RNGTT: variants seen among roughly 807,000 people sequenced by gnomAD.
RNGTT encodes mRNA-capping enzyme.
In RNGTT, 33 loss-of-function variants were observed where a neutral mutation model predicts 79.3. The ratio of observed to expected loss-of-function variants is 0.42; its 90% CI spans 0.32 to 0.56. The LOEUF is 0.56. Ranked by LOEUF, RNGTT falls within the 20% of genes least tolerant of loss-of-function variation. The pLI is 0.17. For synonymous variants in RNGTT, 222 were observed against 235.9 expected, an observed-to-expected ratio of 0.94 and a Z score of 0.54; for missense variants, 497 against 739.1, an observed-to-expected ratio of 0.67 and a Z score of 3.80.
intron 4 of RNGTT, among the ~76,000 whole-genome samples, chr6:88,918,042 G>A (rs964010081): frequency 1.1e-4 from 16 of 152,006 alleles, no homozygotes; most frequent in Admixed American, 4.6e-4. Flanking sequence ...TGCTAGCCAG[G>A]TGCAGTGGCT....
At chr6:88,646,466 C>T (rs1773563889) in intron 14 of RNGTT, among the ~76,000 whole-genome samples, 1 of 152,108 alleles carries the variant, frequency 6.6e-6, no homozygotes, top group African/African-American at 2.4e-5. Flanking sequence ...CTAAAAATAC[C>T]ATTTGACCCA....
At chr6:88,615,153 T>A (rs1431906933) in intron 14 of RNGTT, among the ~76,000 whole-genome samples, 2 of 152,196 alleles carry the variant, frequency 1.3e-5, no homozygotes, top group East Asian at 1.9e-4. Flanking sequence ...CCTAAGCTTA[T>A]CTTTGTAGTT....
chr6:88,656,647 G>GT lies in RNGTT; in HGVS notation c.1506+21705dup, dbSNP rs562381265. Among the ~76,000 whole-genome samples the GT allele has an allele frequency of 2.0e-3, 308 of 152,156 alleles. 2 individuals are homozygous for GT. Among genetic ancestry groups the GT allele is most frequent in the African/African-American group, 7.3e-3 (301 of 41,494 alleles). On this transcript the variant is annotated intron_variant, in intron 14 of 15. Coordinates refer to ENST00000369485, the MANE Select transcript of RNGTT (RefSeq NM_003800.5). ...GTATGTAAACTTTTCTAGGGAGAGG[G>GT]TTCATGGTTTTCACAGGATTTTGAA...
intron 8 of RNGTT, among the ~76,000 whole-genome samples, chr6:88,864,463 G>C (rs753436943): frequency 6.6e-6 from 1 of 152,088 alleles, no homozygotes; most frequent in Non-Finnish European, 1.5e-5. Flanking sequence ...GTAGGCAAAA[G>C]AGAAGGTACC....
At chr6:88,660,847 A>C (rs1774156512) in intron 14 of RNGTT, among the ~76,000 whole-genome samples, 1 of 152,214 alleles carries the variant, frequency 6.6e-6, no homozygotes, top group Non-Finnish European at 1.5e-5. Context: ...CATTCTACCC[A>C]ACAACTGCAG....
chr6:88,797,155 C>T (rs761387167), intron 12 of RNGTT, among the ~76,000 whole-genome samples: 2 of 152,000 alleles, frequency 1.3e-5, no homozygotes, highest in African/African-American at 2.4e-5. Flanking sequence ...TATTTAAGAA[C>T]GTCCTGGCAA....
At chr6:88,638,039 C>G (rs1265614671) in intron 14 of RNGTT, among the ~76,000 whole-genome samples, 3 of 152,026 alleles carry the variant, frequency 2.0e-5, no homozygotes, top group Non-Finnish European at 4.4e-5. Flanking sequence ...GACAAATCAC[C>G]CTTGTGCATT....
At chr6:88,700,888 G>A (rs964521555) in intron 13 of RNGTT, among the ~76,000 whole-genome samples, 1 of 152,080 alleles carries the variant, frequency 6.6e-6, no homozygotes, top group Non-Finnish European at 1.5e-5. Context: ...GTTTAAATTA[G>A]TTGCATGCAT....
At chr6:88,842,080 T>A (rs1478247223) in intron 11 of RNGTT, among the ~76,000 whole-genome samples, 1 of 152,130 alleles carries the variant, frequency 6.6e-6, no homozygotes. Flanking sequence ...AAAGCAAGAA[T>A]GTCTTACGAA....
intron 14 of RNGTT, among the ~76,000 whole-genome samples, chr6:88,648,828 C>T (rs1773683642): frequency 1.3e-5 from 2 of 152,184 alleles, no homozygotes; most frequent in Non-Finnish European, 2.9e-5. Flanking sequence ...TGACACATCA[C>T]ATCCAACTTT....
At chr6:88,693,057 C>G (rs1775538199) in intron 13 of RNGTT, among the ~76,000 whole-genome samples, 2 of 151,606 alleles carry the variant, frequency 1.3e-5, no homozygotes, top group Non-Finnish European at 2.9e-5. Flanking sequence ...CTCAAACAAC[C>G]TAATATTACA....
chr6:88,869,343 G>GA (rs1303776669), intron 8 of RNGTT, among the ~76,000 whole-genome samples: 8 of 152,176 alleles, frequency 5.3e-5, no homozygotes, highest in African/African-American at 1.9e-4. Context: ...TTATAAAGGA[G>GA]AAAGTATTTT....
Position 88,879,590 on chromosome 6 carries a change from G to GA in RNGTT, c.896+10904dup, listed in dbSNP as rs551284795. On this transcript the variant is annotated intron_variant, in intron 8 of 15. Coordinates refer to ENST00000369485, the MANE Select transcript of RNGTT (RefSeq NM_003800.5). ...AAGGCATAGGACACGATTTTCATGA[G>GA]AAAAAAAAAATTTGTCTTTCAAATG... is the stretch of plus-strand genomic sequence containing the variant. 4.1e-3 allele frequency among the ~76,000 whole-genome samples: 615 copies of GA among 148,510 alleles called. 4 individuals are homozygous for GA. Among genetic ancestry groups the GA allele is most frequent in the Non-Finnish European group, 5.9e-3 (396 of 66,946 alleles).
intron 8 of RNGTT, among the ~76,000 whole-genome samples, chr6:88,867,151 C>A (rs973902178): frequency 3.9e-5 from 6 of 152,116 alleles, no homozygotes; most frequent in African/African-American, 1.4e-4. Flanking sequence ...GACTAAATAA[C>A]CTCAAGCCAC....
At chr6:88,900,968 C>G (rs1172037305) in intron 6 of RNGTT, among the ~76,000 whole-genome samples, 2 of 151,532 alleles carry the variant, frequency 1.3e-5, no homozygotes, top group African/African-American at 2.4e-5. Context: ...ATGGTGAAAC[C>G]CTGTCTCTAC....
chr6:88,937,413 CA>C (rs1784701530), intron 2 of RNGTT, among the ~76,000 whole-genome samples: 1 of 151,436 alleles, frequency 6.6e-6, no homozygotes, highest in Non-Finnish European at 1.5e-5. Context: ...TTCTCTTTCT[CA>C]TTTCTGATTT....
chr6:88,743,724 A>G (rs1777569381), intron 13 of RNGTT, among the ~76,000 whole-genome samples: 1 of 152,226 alleles, frequency 6.6e-6, no homozygotes, highest in Non-Finnish European at 1.5e-5. Flanking sequence ...TCATCTACAG[A>G]CACTATATCC....
intron 8 of RNGTT, among the ~76,000 whole-genome samples, chr6:88,886,913 T>C (rs1782878734): frequency 6.6e-6 from 1 of 152,108 alleles, no homozygotes; most frequent in Non-Finnish European, 1.5e-5. Flanking sequence ...TAAAGTTTCC[T>C]GTCAAAACCA....
chr6:88,672,284 CATAT>C (rs1028699670), intron 14 of RNGTT, among the ~76,000 whole-genome samples: 2 of 151,068 alleles, frequency 1.3e-5, no homozygotes, highest in African/African-American at 2.4e-5. Flanking sequence ...AATGTATACA[CATAT>C]ATATACACAT....
Sources: gnomAD v4.1 joint callset for allele counts (sites outside exome capture counted in the v4.1 genomes callset) on GRCh38, gnomAD v4.1.1 for gene constraint, MANE v1.5 for transcripts, NCBI Gene and HGNC (gene_info 2026-07-23, HGNC 2026-07-21) for gene names.